The following DGKB variants were observed in gnomAD, a reference collection of about 807,000 sequenced individuals.
DGKB encodes the protein 90 kDa diacylglycerol kinase.
A neutral mutation model predicts 114.3 loss-of-function variants in DGKB; 67 were observed. The observed-to-expected ratio is 0.59, with a 90% confidence interval of 0.48 to 0.72. The LOEUF (loss-of-function observed/expected upper bound fraction) is 0.72. Ranked by LOEUF, DGKB falls within the 30% of genes least tolerant of loss-of-function variation. DGKB has a pLI of 0.00. For synonymous variants in DGKB, 398 were observed against 323.1 expected, an observed-to-expected ratio of 1.23 and a Z score of -2.49; for missense variants, 907 against 975.2, an observed-to-expected ratio of 0.93 and a Z score of 0.93.
At chr7:14,966,698 TA>T (rs1441714466) in intron 1 of DGKB, among the ~76,000 whole-genome samples, 1 of 152,104 alleles carries the variant, frequency 6.6e-6, no homozygotes, top group African/African-American at 2.4e-5. Flanking sequence ...TTTGGATTTT[TA>T]TTTTTGGCCC....
At chr7:14,935,526 A>G (rs1785228475) in intron 1 of DGKB, among the ~76,000 whole-genome samples, 1 of 152,214 alleles carries the variant, frequency 6.6e-6, no homozygotes, top group African/African-American at 2.4e-5. Context: ...GTCAGGTCAT[A>G]GTAATCATAA....
chr7:14,938,694 A>G (rs36878), intron 1 of DGKB, among the ~76,000 whole-genome samples: 22,652 of 152,050 alleles, frequency 0.15, 1,847 homozygotes, highest in Non-Finnish European at 0.19. Context: ...TTCGCAAAAG[A>G]CAGAATTGAA....
chr7:14,478,000 T>G (rs1302569484), intron 21 of DGKB, among the ~76,000 whole-genome samples, 161 bp downstream of exon 21: 1 of 151,282 alleles, frequency 6.6e-6, no homozygotes, highest in Non-Finnish European at 1.5e-5. Flanking sequence ...AAAATTTAAT[T>G]CATTTATCCT....
chr7:14,681,458 A>T (rs184925827), intron 12 of DGKB, among the ~76,000 whole-genome samples: 45 of 150,954 alleles, frequency 3.0e-4, no homozygotes, highest in African/African-American at 9.5e-4. Flanking sequence ...TGTGTGTGTG[A>T]GAGAGAGAGA....
chr7:14,376,551 C>G (rs1818510291), intron 21 of DGKB, among the ~76,000 whole-genome samples: 1 of 152,046 alleles, frequency 6.6e-6, no homozygotes, highest in Non-Finnish European at 1.5e-5. Context: ...TCCTATCTCC[C>G]TAAACCCATT....
intron 1 of DGKB, among the ~76,000 whole-genome samples, chr7:14,913,287 C>T (rs998553336): frequency 6.6e-6 from 1 of 151,906 alleles, no homozygotes; most frequent in African/African-American, 2.4e-5. Flanking sequence ...ATTTCACCCT[C>T]TGTTGACTAC....
chr7:14,956,417 A>G (rs544263187), intron 1 of DGKB, among the ~76,000 whole-genome samples: 2 of 152,108 alleles, frequency 1.3e-5, no homozygotes, highest in East Asian at 3.9e-4. Context: ...AATTTAATAA[A>G]TTAAAGTTTT....
At position 14,154,061 on chromosome 7, in the gene DGKB, C is replaced by T. The variant is rs571663648; in HGVS notation, c.2305-4823G>A. ...AGTCAAAAAAACAAAGGATTCAACT[C>T]AGATCCAGGATGACAGATTTGCAAG... On this transcript the variant is annotated intron_variant, in intron 25 of 25. Transcript: ENST00000402815. Among the ~76,000 whole-genome samples, 23 of 151,754 alleles carry T rather than the reference C, an allele frequency of 1.5e-4. No individual in the cohort carries two copies. The East Asian group carries it at 2.5e-3, about 17-fold the overall frequency.
chr7:14,646,797 A>G (rs1407755749), intron 13 of DGKB, among the ~76,000 whole-genome samples: 4 of 152,084 alleles, frequency 2.6e-5, no homozygotes, highest in African/African-American at 9.6e-5. Context: ...AGACATGAAA[A>G]TAGAAATACC....
rs948693044 is a variant in DGKB at position 14,852,486 on chromosome 7, T to TCAAAAAAAAAAAAAACAAAA, written c.-187-11037_-187-11036insTTTTGTTTTTTTTTTTTTTG. ...AGAGGAATAGCTAAAATAGTGAAAG[T>TCAAAAAAAAAAAAAACAAAA]CAAAAAAAAAACAGAAATCAAGCAT... On this transcript the variant is annotated intron_variant, in intron 1 of 25. Transcript: ENST00000402815. Among the ~76,000 whole-genome samples the TCAAAAAAAAAAAAAACAAAA allele has an allele frequency of 1.4e-3, 11 of 7,778 alleles. 1 individual carries two copies. The highest frequency in any genetic ancestry group is 4.7e-3 in the Admixed American group (3 of 644). The allele number at this position is 7,778 out of a possible 152,430, so 5.1% of individuals were successfully genotyped here. A position where few individuals can be genotyped will look rare whatever the true frequency, so the allele number is the denominator to read the frequency against.
intron 23 of DGKB, among the ~76,000 whole-genome samples, chr7:14,315,817 CA>C (rs977161907): frequency 6.6e-6 from 1 of 151,352 alleles, no homozygotes; most frequent in African/African-American, 2.4e-5. Flanking sequence ...CACCCCAAAT[CA>C]ACAGAATATA....
In DGKB at chr7:14,810,105, G is replaced by A. The variant is rs562348121; in HGVS notation, c.70+31089C>T. Among the ~76,000 whole-genome samples the A allele has an allele frequency of 3.9e-5, 6 of 152,222 alleles. No homozygotes were observed. In the East Asian group the frequency reaches 7.7e-4, roughly 20 times the overall value. ...TTTTCCTGGAGACTTGAAAGAATTC[G>A]TGCACGTTGCAAACACGAATTACTT... On this transcript the variant is annotated intron_variant, in intron 2 of 25. Coordinates refer to ENST00000402815, the MANE Select transcript of DGKB (RefSeq NM_001350709.2).
intron 23 of DGKB, among the ~76,000 whole-genome samples, chr7:14,296,205 TATTTTTA>T (rs1802531809): frequency 6.6e-6 from 1 of 152,150 alleles, no homozygotes; most frequent in Non-Finnish European, 1.5e-5. Flanking sequence ...CTAATTTTTG[TATTTTTA>T]ATAGAGACGG....
At chr7:14,561,496 G>T (rs1192732386) in intron 20 of DGKB, among the ~76,000 whole-genome samples, 3 of 152,104 alleles carry the variant, frequency 2.0e-5, no homozygotes, top group Non-Finnish European at 4.4e-5. Context: ...GAACAGTTTG[G>T]AGGGCTCAGA....
intron 2 of DGKB, among the ~76,000 whole-genome samples, chr7:14,821,130 T>G (rs1314628900): frequency 6.6e-6 from 1 of 152,134 alleles, no homozygotes; most frequent in Non-Finnish European, 1.5e-5. Flanking sequence ...GGTAAAATCT[T>G]AAAGTTAGAA....
At chr7:14,952,406 C>T (rs1316415748) in intron 1 of DGKB, among the ~76,000 whole-genome samples, 1 of 151,976 alleles carries the variant, frequency 6.6e-6, no homozygotes, top group Non-Finnish European at 1.5e-5. Flanking sequence ...TATAGCAATG[C>T]TTCCCAAATT....
chr7:14,263,414 AT>A (rs1285045337), intron 23 of DGKB, among the ~76,000 whole-genome samples: 1 of 152,118 alleles, frequency 6.6e-6, no homozygotes, highest in Non-Finnish European at 1.5e-5. Flanking sequence ...ATCTATTGCA[AT>A]TTTGCCCCAA....
chr7:14,424,557 T>C (rs576445651), intron 21 of DGKB, among the ~76,000 whole-genome samples: 4 of 152,250 alleles, frequency 2.6e-5, no homozygotes, highest in African/African-American at 9.6e-5. Context: ...ATGTATTATA[T>C]CTGCTATTTC....
At chr7:14,250,642 A>C (rs1795094544) in intron 23 of DGKB, among the ~76,000 whole-genome samples, 1 of 152,054 alleles carries the variant, frequency 6.6e-6, no homozygotes, top group Admixed American at 6.6e-5. Context: ...TGTTCTTTAT[A>C]TGTTTCTTGT....
Sources: gnomAD v4.1 joint callset for allele counts (sites outside exome capture counted in the v4.1 genomes callset) on GRCh38, gnomAD v4.1.1 for gene constraint, MANE v1.5 for transcripts, NCBI Gene and HGNC (gene_info 2026-07-23, HGNC 2026-07-21) for gene names.